PSD3: variants seen among roughly 807,000 people sequenced by gnomAD.
The protein encoded by PSD3 is pleckstrin and Sec7 domain containing 3, also known as PH and SEC7 domain-containing protein 3.
PSD3 carries 49 observed loss-of-function variants against 105.5 expected under a neutral mutation model. The ratio of observed to expected loss-of-function variants is 0.46; its 90% CI spans 0.37 to 0.59. The LOEUF is 0.59. PSD3 is among the 20% of genes least tolerant of loss of function. PSD3 has a pLI of 0.00. For synonymous variants in PSD3, 557 were observed against 457.8 expected, an observed-to-expected ratio of 1.22 and a Z score of -2.77; for missense variants, 1,561 against 1,263.8, an observed-to-expected ratio of 1.24 and a Z score of -3.57.
In PSD3 at chr8:18,659,292, T is replaced by A. The variant is rs10081421; in HGVS notation, c.2173-3607A>T. 6.0e-3 allele frequency among the ~76,000 whole-genome samples: 918 copies of A among 152,348 alleles called. 6 individuals are homozygous for A. Among genetic ancestry groups the A allele is most frequent in the African/African-American group, 0.021 (887 of 41,584 alleles). On this transcript the variant is annotated intron_variant, in intron 9 of 15. Coordinates refer to ENST00000327040, the MANE Select transcript of PSD3 (RefSeq NM_015310.4). Reference sequence around the variant, plus strand: ...CATCAACTCAAACTTCAGCAGGGTCTTCATTCATGAGCCTCTCGCCATCTC... The same window carrying A: ...CATCAACTCAAACTTCAGCAGGGTCATCATTCATGAGCCTCTCGCCATCTC...
intron 9 of PSD3, among the ~76,000 whole-genome samples, chr8:18,694,527 G>C (rs191904655): frequency 6.6e-6 from 1 of 151,004 alleles, no homozygotes; most frequent in Admixed American, 6.6e-5. Context: ...GGAGAATGGC[G>C]TGAACCCGGG....
chr8:18,901,614 C>T (rs916384773), intron 2 of PSD3, among the ~76,000 whole-genome samples: 6 of 152,044 alleles, frequency 3.9e-5, no homozygotes, highest in Non-Finnish European at 8.8e-5. Context: ...GTATCTGCTC[C>T]ACCAGTGAGT....
intron 8 of PSD3, chr8:18,774,676 C>A: frequency 2.7e-6 from 1 of 364,790 alleles, no homozygotes; most frequent in Non-Finnish European, 5.4e-6. Context: ...GGCCACAGAT[C>A]TGGGGGCTAG....
chr8:18,972,697 G>A (rs185436316), intron 1 of PSD3, among the ~76,000 whole-genome samples: 15 of 152,314 alleles, frequency 9.8e-5, no homozygotes, highest in African/African-American at 3.4e-4. Flanking sequence ...CAGAAAACTA[G>A]GTAACTCTGT....
chr8:19,074,611 A>ATATATATT lies in PSD3; in HGVS notation c.324+9594_324+9595insAATATATA, dbSNP rs1324257417. ...TATATACATATATATATATATATAT[A>ATATATATT]TTTTTTTTTTTTTTTTTTTTTTTTT... On this transcript the variant is annotated intron_variant, in intron 1 of 1. Transcript: ENST00000521475. Among the ~76,000 whole-genome samples the ATATATATT allele has an allele frequency of 2.2e-3, 52 of 24,168 alleles. 1 individual carries two copies. Among genetic ancestry groups the ATATATATT allele is most frequent in the Admixed American group, 5.4e-3 (8 of 1,480 alleles). The allele number at this position is 24,168 out of a possible 152,430, so 15.9% of individuals were successfully genotyped here.
chr8:19,049,111 T>G (rs1236370121), intron 1 of PSD3, among the ~76,000 whole-genome samples: 1 of 152,174 alleles, frequency 6.6e-6, no homozygotes, highest in Non-Finnish European at 1.5e-5. Context: ...CCTAATGACC[T>G]CATTTTACCT....
At chr8:18,746,715 T>A (rs1018409413) in intron 9 of PSD3, among the ~76,000 whole-genome samples, 1 of 152,260 alleles carries the variant, frequency 6.6e-6, no homozygotes, top group Non-Finnish European at 1.5e-5. Context: ...ATTATTTATG[T>A]TCGTTCTTTC....
intron 1 of PSD3, among the ~76,000 whole-genome samples, chr8:19,021,987 A>T (rs973464621): frequency 1.3e-5 from 2 of 152,246 alleles, no homozygotes; most frequent in African/African-American, 4.8e-5. Flanking sequence ...AAGCTGTATA[A>T]GCAGAGCACC....
At chr8:18,761,796 T>G (rs1346855369) in intron 9 of PSD3, among the ~76,000 whole-genome samples, 1 of 152,104 alleles carries the variant, frequency 6.6e-6, no homozygotes, top group Admixed American at 6.5e-5. Context: ...ACAAACCACA[T>G]CCAACCGCTG....
chr8:18,539,251 T>C (rs1203496158), intron 15 of PSD3, among the ~76,000 whole-genome samples: 2 of 152,190 alleles, frequency 1.3e-5, no homozygotes, highest in African/African-American at 4.8e-5. Context: ...AAAATAAAAT[T>C]GTCTCAGAAT....
intron 9 of PSD3, among the ~76,000 whole-genome samples, chr8:18,657,656 AG>A (rs1809001635): frequency 7.7e-6 from 1 of 129,884 alleles, no homozygotes; most frequent in Non-Finnish European, 1.6e-5. Flanking sequence ...GGAAGTGCAG[AG>A]AGAGTTGAAA....
intron 9 of PSD3, among the ~76,000 whole-genome samples, chr8:18,703,331 G>A (rs561895695): frequency 6.6e-6 from 1 of 152,112 alleles, no homozygotes; most frequent in Non-Finnish European, 1.5e-5. Flanking sequence ...TCTCAGCAAG[G>A]GCCTTCAGAG....
chr8:18,569,104 C>A lies in PSD3; in HGVS notation c.2784+3424G>T, dbSNP rs551755898. Among the ~76,000 whole-genome samples the A allele has an allele frequency of 3.2e-3, 419 of 129,342 alleles. 3 individuals are homozygous for A. Among genetic ancestry groups the A allele is most frequent in the African/African-American group, 0.011 (410 of 35,858 alleles). The allele number at this position is 129,342 out of a possible 152,430, so 84.9% of individuals were successfully genotyped here. On this transcript the variant is annotated intron_variant, in intron 14 of 15. Coordinates refer to ENST00000327040, the MANE Select transcript of PSD3 (RefSeq NM_015310.4). The stretch of plus-strand genomic sequence containing the variant: ...GCCACATTTTCTTAATCCAGTCTAT[C>A]GTTGTTGGACATTTGGGTTGGTTCC...
intron 1 of PSD3, among the ~76,000 whole-genome samples, chr8:18,977,781 A>G (rs1825024394): frequency 6.6e-6 from 1 of 152,202 alleles, no homozygotes; most frequent in South Asian, 2.1e-4. Flanking sequence ...GATGGATTAT[A>G]AATTATTTAT....
At position 18,868,082 on chromosome 8, in the gene PSD3, T is replaced by C. The variant is rs768365377; in HGVS notation, c.1239-13A>G. ...TTGTTCGCTGATCCTGGAAAGTAAA[T>C]AAGAGTGAAGAATTCCAATATTAGG... On this transcript the variant is annotated splice_polypyrimidine_tract_variant and intron_variant, in intron 3 of 15. Coordinates refer to ENST00000327040, the MANE Select transcript of PSD3 (RefSeq NM_015310.4). The C allele has an allele frequency of 1.9e-6, 3 of 1,578,220 alleles. No individual in the cohort carries two copies. The South Asian group carries it at 3.6e-5, about 19-fold the overall frequency.
At chr8:19,045,216 A>G (rs1164721267) in intron 1 of PSD3, among the ~76,000 whole-genome samples, 1 of 152,036 alleles carries the variant, frequency 6.6e-6, no homozygotes, top group Non-Finnish European at 1.5e-5. Flanking sequence ...GAAAGAAAGA[A>G]AAAGAAAAAG....
intron 1 of PSD3, among the ~76,000 whole-genome samples, chr8:19,022,295 C>T (rs145860335): frequency 6.6e-6 from 1 of 152,162 alleles, no homozygotes; most frequent in East Asian, 1.9e-4. Context: ...AACATCCAAA[C>T]CATATTAAGT....
chr8:18,892,175 T>TCAAACACA (rs1818829093), intron 2 of PSD3, among the ~76,000 whole-genome samples: 1 of 149,864 alleles, frequency 6.7e-6, no homozygotes, highest in Non-Finnish European at 1.5e-5. Flanking sequence ...TTACTTACAA[T>TCAAACACA]CACACACACA....
intron 10 of PSD3, among the ~76,000 whole-genome samples, chr8:18,640,023 G>T (rs1277225280): frequency 2.0e-5 from 3 of 152,276 alleles, no homozygotes; most frequent in African/African-American, 7.2e-5. Flanking sequence ...CCTGTCCAGG[G>T]AGTGGGAGCC....
Sources: gnomAD v4.1 joint callset for allele counts (sites outside exome capture counted in the v4.1 genomes callset) on GRCh38, gnomAD v4.1.1 for gene constraint, MANE v1.5 for transcripts, NCBI Gene and HGNC (gene_info 2026-07-23, HGNC 2026-07-21) for gene names.